AKAP8L: variants seen among roughly 807,000 people sequenced by gnomAD.
AKAP8L encodes A-kinase anchor protein 8-like.
A neutral mutation model predicts 77.5 loss-of-function variants in AKAP8L; 34 were observed. The ratio of observed to expected loss-of-function variants is 0.44; its 90% CI spans 0.33 to 0.58. The LOEUF (loss-of-function observed/expected upper bound fraction) is 0.58, where lower values mean the gene tolerates loss of function less well. Among genes scored for constraint, AKAP8L ranks in the 20% least tolerant of loss-of-function variants. The pLI, the probability that AKAP8L is intolerant of heterozygous loss-of-function variation, is 0.02. For synonymous variants in AKAP8L, 342 were observed against 340.7 expected, an observed-to-expected ratio of 1.00 and a Z score of -0.04; for missense variants, 806 against 887.6, an observed-to-expected ratio of 0.91 and a Z score of 1.17.
At chr19:15,402,561 G>A (rs1335357981) in intron 4 of AKAP8L, among the ~76,000 whole-genome samples, 1 of 152,222 alleles carries the variant, frequency 6.6e-6, no homozygotes, top group African/African-American at 2.4e-5. Context: ...TCTGAGTGCT[G>A]CAGCTGTTGG....
In AKAP8L at chr19:15,399,234, T is replaced by C. The variant is rs1188508972; in HGVS notation, c.1157+68A>G. 1.4e-6 allele frequency: 2 copies of C among 1,425,204 alleles called. No homozygotes were observed. Among genetic ancestry groups the C allele is most frequent in the Non-Finnish European group, 2.0e-6 (2 of 1,010,518 alleles). 88.3% of individuals were successfully genotyped at this position (1,425,204 alleles called of 1,614,324 possible). A position where few individuals can be genotyped will look rare whatever the true frequency, so the allele number is the denominator to read the frequency against. On this transcript the variant is annotated intron_variant, in intron 9 of 13. Coordinates refer to ENST00000397410, the MANE Select transcript of AKAP8L (RefSeq NM_014371.4). This position sits in a 1 kb window ranked among gnomAD's most constrained non-coding sequence, Gnocchi z 6.1. ...AGAGGGCGGCGAGCTGGCAGAGCTA[T>C]GGCCCTGCTCTCCTGGCGGCAGCCC...
At chr19:15,400,492 C>A (rs1434968465) in intron 7 of AKAP8L, 134 bp from the exon 8 acceptor site, 2 of 923,206 alleles carry the variant, frequency 2.2e-6, no homozygotes, top group African/African-American at 3.4e-5. Context: ...ATCCTATAGG[C>A]AGGGTGGCCC....
chr19:15,397,136 C>T lies in AKAP8L; in HGVS notation c.1536+14G>A. The T allele has an allele frequency of 6.2e-7, 1 of 1,613,398 alleles. No homozygotes were observed. The highest frequency in any genetic ancestry group is 8.5e-7 in the Non-Finnish European group (1 of 1,179,824). On this transcript the variant is annotated intron_variant, in intron 12 of 13. Coordinates refer to ENST00000397410, the MANE Select transcript of AKAP8L (RefSeq NM_014371.4). The surrounding 1 kb of genome is among the most constrained non-coding windows in gnomAD (Gnocchi z 4.7). The stretch of plus-strand genomic sequence containing the variant: ...CTACCCACAGGACAGAGGGAGAGCA[C>T]TGTGGCCACTCACCCTGCGGTTCCG...
Position 15,399,519 on chromosome 19 carries a change from A to G in AKAP8L, c.1049-109T>C, listed in dbSNP as rs1005133382. On this transcript the variant is annotated intron_variant, in intron 8 of 13. Coordinates refer to ENST00000397410, the MANE Select transcript of AKAP8L (RefSeq NM_014371.4). The surrounding 1 kb of genome is among the most constrained non-coding windows in gnomAD (Gnocchi z 6.1). The stretch of plus-strand genomic sequence containing the variant: ...GTCCACTCCAGAGGGTCCATCGAGA[A>G]TAGCTGTCCAAGCAAGGCCTCTGGC... The G allele has an allele frequency of 3.7e-6, 3 of 814,548 alleles. No individual in the cohort carries two copies. The highest frequency in any genetic ancestry group is 3.8e-5 in the Admixed American group (2 of 52,112). 50.5% of individuals were successfully genotyped at this position (814,548 alleles called of 1,614,324 possible). A position where few individuals can be genotyped will look rare whatever the true frequency, so the allele number is the denominator to read the frequency against.
chr19:15,386,560 T>TC (rs1457925283), intron 12 of AKAP8L, among the ~76,000 whole-genome samples: 1 of 152,070 alleles, frequency 6.6e-6, no homozygotes, highest in Non-Finnish European at 1.5e-5. Context: ...TGATGGAAAC[T>TC]CCACTCCAGA....
At position 15,380,293 on chromosome 19, in the gene AKAP8L, G is replaced by T; in HGVS notation, c.1770C>A (p.Pro590=). 2 of 1,528,374 alleles carry T rather than the reference G, an allele frequency of 1.3e-6. No homozygotes were observed. The highest frequency in any genetic ancestry group is 1.7e-6 in the Non-Finnish European group (2 of 1,144,154). The allele number at this position is 1,528,374 out of a possible 1,614,324, so 94.7% of individuals were successfully genotyped here. A position where few individuals can be genotyped will look rare whatever the true frequency, so the allele number is the denominator to read the frequency against. ...CCCCGGGGGCTGGCTCTGGGGGCAC[G>T]GGAGGCTGCGCCGGCACGCCCTCTG... ...EGAEGVPAQP[P]VPPEPAPGAV... Residue 590 remains proline (P), a synonymous_variant, in exon 14 of 14, where the codon CCC becomes CCA. Transcript: ENST00000397410.
At position 15,398,451 on chromosome 19, in the gene AKAP8L, G is replaced by T; in HGVS notation, c.1158-596C>A. 2.5e-6 allele frequency: 1 copy of T among 398,580 alleles called. No homozygotes were observed. The highest frequency in any genetic ancestry group is 3.4e-6 in the Non-Finnish European group (1 of 292,676). The allele number at this position is 398,580 out of a possible 1,614,324, so 24.7% of individuals were successfully genotyped here. On this transcript the variant is annotated intron_variant, in intron 9 of 13. Transcript: ENST00000397410. The surrounding 1 kb of genome is among the most constrained non-coding windows in gnomAD (Gnocchi z 9.2). The stretch of plus-strand genomic sequence containing the variant: ...TCCAAGAAGAGACCAGTCTGAGCTG[G>T]AAGGAGGGCGCCCGCTCGGCCTGCC...
In AKAP8L at chr19:15,398,587, G is replaced by A. The variant is rs1229737822; in HGVS notation, c.1157+715C>T. 7.1e-6 allele frequency: 7 copies of A among 986,276 alleles called. No individual in the cohort carries two copies. In the East Asian group the frequency reaches 4.6e-4, roughly 64 times the overall value. 61.1% of individuals were successfully genotyped at this position (986,276 alleles called of 1,614,324 possible). On this transcript the variant is annotated intron_variant, in intron 9 of 13. Transcript: ENST00000397410. This position sits in a 1 kb window ranked among gnomAD's most constrained non-coding sequence, Gnocchi z 9.2. ...GGAGCAGGCCGCCGTGGCAAGGGGC[G>A]GAGGAGGCCAGCCGCCACCGAGACC... is the stretch of plus-strand genomic sequence containing the variant.
At chr19:15,400,558 G>A in intron 7 of AKAP8L, 200 bp from the exon 8 acceptor site, 1 of 720,226 alleles carries the variant, frequency 1.4e-6, no homozygotes. Context: ...CTATGTGCCA[G>A]AAACCTCACA....
At chr19:15,390,773 T>C (rs1967644212) in intron 12 of AKAP8L, among the ~76,000 whole-genome samples, 1 of 152,128 alleles carries the variant, frequency 6.6e-6, no homozygotes, top group Non-Finnish European at 1.5e-5. Flanking sequence ...TATATCCAAA[T>C]AAAATAATCT....
Position 15,398,550 on chromosome 19 carries a change from G to C in AKAP8L, c.1158-695C>G. ...TGTCCACAGTAGAAGCCCGGGGTCT[G>C]GGGCCTGGGCCGGAGCAGGCCGCCG... On this transcript the variant is annotated intron_variant, in intron 9 of 13. Transcript: ENST00000397410. This position sits in a 1 kb window ranked among gnomAD's most constrained non-coding sequence, Gnocchi z 9.2. The C allele has an allele frequency of 1.0e-6, 1 of 982,656 alleles. No homozygotes were observed. The highest frequency in any genetic ancestry group is 1.2e-6 in the Non-Finnish European group (1 of 827,076). 60.9% of individuals were successfully genotyped at this position (982,656 alleles called of 1,614,324 possible).
intron 1 of AKAP8L, 93 bp downstream of exon 1, chr19:15,418,818 G>T: frequency 1.5e-6 from 2 of 1,339,696 alleles, no homozygotes; most frequent in East Asian, 2.5e-5. Flanking sequence ...CAGTGACGGG[G>T]CCCCAGGGGA....
rs1156567803 is a variant in AKAP8L, at chr19:15,397,959, C to T, written c.1158-104G>A. The T allele has an allele frequency of 1.2e-5, 17 of 1,428,150 alleles. No homozygotes were observed. Among genetic ancestry groups the T allele is most frequent in the Non-Finnish European group, 1.3e-5 (14 of 1,053,104 alleles). 88.5% of individuals were successfully genotyped at this position (1,428,150 alleles called of 1,614,324 possible). ...CAAGCCCTGAAACAGGCCTTGCTCA[C>T]GGGCCTCTGAAGTACGGTCCCAGCA... On this transcript the variant is annotated intron_variant, in intron 9 of 13. Coordinates refer to ENST00000397410, the MANE Select transcript of AKAP8L (RefSeq NM_014371.4). The surrounding 1 kb of genome is among the most constrained non-coding windows in gnomAD (Gnocchi z 4.7).
chr19:15,408,563 CA>C (rs1281747013), intron 2 of AKAP8L, among the ~76,000 whole-genome samples: 35 of 67,102 alleles, frequency 5.2e-4, no homozygotes, highest in Admixed American at 1.0e-3. Flanking sequence ...AACTCCATCT[CA>C]AAAAAAAAAA....
At chr19:15,415,893 A>C (rs1568275516) in intron 1 of AKAP8L, among the ~76,000 whole-genome samples, 1 of 52,824 alleles carries the variant, frequency 1.9e-5, no homozygotes, top group African/African-American at 9.9e-5. Context: ...CTCAAAAAAA[A>C]AAACAAAAAA....
rs1320026799 is a variant in AKAP8L at position 15,400,473 on chromosome 19, A to G, written c.985-115T>C. The G allele has an allele frequency of 1.7e-5, 19 of 1,090,170 alleles. No homozygotes were observed. In the Admixed American group the frequency reaches 4.4e-4, roughly 25 times the overall value. 67.5% of individuals were successfully genotyped at this position (1,090,170 alleles called of 1,614,324 possible). Reference sequence around the variant, plus strand: ...AAACAGCTGCTTGCTCCATAGACAGAGCAGGGCTATCCTATAGGCAGGGTG... The same window carrying G: ...AAACAGCTGCTTGCTCCATAGACAGGGCAGGGCTATCCTATAGGCAGGGTG... On this transcript the variant is annotated intron_variant, in intron 7 of 13. Transcript: ENST00000397410.
At position 15,397,613 on chromosome 19, in the gene AKAP8L, T is replaced by A; in HGVS notation, c.1312A>T (p.Asn438Tyr). Reference protein sequence around the residue: ...TADFLQEYVTNKTKKTEELRK... With the variant: ...TADFLQEYVTYKTKKTEELRK... ...AGCTCCTCTGTCTTCTTGGTCTTGT[T>A]AGTGACGTACTCCTGCAAGGAATAT... The change falls in exon 11 of 14, where the codon AAC becomes TAC. Residue 438 changes from asparagine (N) to tyrosine (Y), a missense_variant. Transcript: ENST00000397410. The surrounding 1 kb of genome is among the most constrained non-coding windows in gnomAD (Gnocchi z 4.7). 1 of 1,613,894 alleles carries A rather than the reference T, an allele frequency of 6.2e-7. No homozygotes were observed. Among genetic ancestry groups the A allele is most frequent in the Non-Finnish European group, 8.5e-7 (1 of 1,179,844 alleles).
chr19:15,390,065 C>A (rs8109755), intron 12 of AKAP8L, among the ~76,000 whole-genome samples: 121,076 of 151,744 alleles, frequency 0.8, 48,561 homozygotes, highest in East Asian at 0.99. Flanking sequence ...AAACCCCAGA[C>A]TATCTGAATA....
rs986086811 is a variant in AKAP8L at position 15,403,323 on chromosome 19, G to A, written c.362+152C>T. On this transcript the variant is annotated intron_variant, in intron 4 of 13. Coordinates refer to ENST00000397410, the MANE Select transcript of AKAP8L (RefSeq NM_014371.4). The surrounding 1 kb of genome is among the most constrained non-coding windows in gnomAD (Gnocchi z 4.3). ...GTGAGAGGAGACACAAGTCAGAGAC[G>A]GGAAGTGCAACGGACCCTGCTGGGA... is the stretch of plus-strand genomic sequence containing the variant. The A allele has an allele frequency of 2.5e-5, 17 of 693,080 alleles. No individual in the cohort carries two copies. The East Asian group carries it at 2.9e-4, about 12-fold the overall frequency. 42.9% of individuals were successfully genotyped at this position (693,080 alleles called of 1,614,324 possible). A position where few individuals can be genotyped will look rare whatever the true frequency, so the allele number is the denominator to read the frequency against.
Sources: gnomAD v4.1 joint callset for allele counts (sites outside exome capture counted in the v4.1 genomes callset) on GRCh38, gnomAD v4.1.1 for gene constraint, Gnocchi (gnomAD v3.1) non-coding constraint, MANE v1.5 for transcripts, NCBI Gene and HGNC (gene_info 2026-07-23, HGNC 2026-07-21) for gene names.